CRADD: variants seen among roughly 807,000 people sequenced by gnomAD.
CRADD encodes death domain-containing protein CRADD.
CRADD carries 9 observed loss-of-function variants against 15.5 expected under a neutral mutation model. That is an observed-to-expected ratio of 0.58 (90% CI 0.35 to 1.01). The LOEUF is 1.01. Ranked by LOEUF, CRADD falls within the 50% of genes least tolerant of loss-of-function variation. CRADD has a pLI of 0.02. For synonymous variants in CRADD, 118 were observed against 107.6 expected, an observed-to-expected ratio of 1.10 and a Z score of -0.60; for missense variants, 227 against 250.3, an observed-to-expected ratio of 0.91 and a Z score of 0.63.
At chr12:93,881,319 CAGT>C (rs1367306528) in intron 2 of CRADD, among the ~76,000 whole-genome samples, 1 of 151,722 alleles carries the variant, frequency 6.6e-6, no homozygotes, top group Admixed American at 6.6e-5. Flanking sequence ...TTGGCAGCAG[CAGT>C]ATTTTGTGGC....
At chr12:93,883,058 C>A (rs1344710951) in intron 2 of CRADD, among the ~76,000 whole-genome samples, 3 of 152,140 alleles carry the variant, frequency 2.0e-5, no homozygotes, top group Non-Finnish European at 4.4e-5. Flanking sequence ...AAATATTCAG[C>A]ATAATTAAGC....
chr12:93,849,566 C>T (rs1391237797), intron 2 of CRADD, among the ~76,000 whole-genome samples: 1 of 151,950 alleles, frequency 6.6e-6, no homozygotes, highest in East Asian at 1.9e-4. Context: ...CATGGTGAAA[C>T]CCTGTCTCTG....
intron 2 of CRADD, among the ~76,000 whole-genome samples, chr12:93,877,910 A>C (rs1958468387): frequency 6.6e-6 from 1 of 151,924 alleles, no homozygotes; most frequent in African/African-American, 2.4e-5. Context: ...TGCTTTTCTC[A>C]AGCAGAAGGA....
At chr12:93,887,178 G>C (rs1439968372) in intron 2 of CRADD, among the ~76,000 whole-genome samples, 1 of 152,192 alleles carries the variant, frequency 6.6e-6, no homozygotes, top group African/African-American at 2.4e-5. Context: ...AATTACAATA[G>C]CTTACCCAAT....
intron 2 of CRADD, among the ~76,000 whole-genome samples, chr12:93,751,051 T>C (rs1459632033): frequency 1.3e-5 from 2 of 152,210 alleles, no homozygotes; most frequent in Non-Finnish European, 2.9e-5. Context: ...ATACTCTTTC[T>C]TGTATTGTGG....
intron 2 of CRADD, among the ~76,000 whole-genome samples, chr12:93,691,245 CTTTTG>C (rs201821043): frequency 0.041 from 5,728 of 140,764 alleles, 281 homozygotes; most frequent in African/African-American, 0.12. Flanking sequence ...AAAGAATTTT[CTTTTG>C]TTTTCTTTTT....
At chr12:93,703,884 T>G (rs1342519582) in intron 2 of CRADD, among the ~76,000 whole-genome samples, 1 of 152,126 alleles carries the variant, frequency 6.6e-6, no homozygotes, top group Non-Finnish European at 1.5e-5. Context: ...CTGTTTTTAG[T>G]GTGTGTAGTT....
chr12:93,695,289 A>G (rs1016376564), intron 2 of CRADD, among the ~76,000 whole-genome samples: 6 of 152,224 alleles, frequency 3.9e-5, no homozygotes, highest in African/African-American at 1.4e-4. Context: ...CTCATCTCAC[A>G]CCATGTATAA....
chr12:93,704,024 T>A (rs1413467330), intron 2 of CRADD, among the ~76,000 whole-genome samples: 1 of 145,760 alleles, frequency 6.9e-6, no homozygotes, highest in East Asian at 2.1e-4. Flanking sequence ...TTCCACCATG[T>A]TACCCAGGCT....
At chr12:93,774,973 T>A (rs1297615051) in intron 2 of CRADD, among the ~76,000 whole-genome samples, 2 of 152,120 alleles carry the variant, frequency 1.3e-5, no homozygotes, top group African/African-American at 4.8e-5. Context: ...TGGATCACAG[T>A]TTTTTGGGAA....
rs550491094 is a variant in CRADD at position 93,741,084 on chromosome 12, G to A, written c.298+62012G>A. Among the ~76,000 whole-genome samples the A allele has an allele frequency of 1.6e-4, 25 of 152,100 alleles. No homozygotes were observed. The South Asian group carries it at 3.3e-3, about 20-fold the overall frequency. On this transcript the variant is annotated intron_variant, in intron 2 of 2. Transcript: ENST00000332896. ...TTATGAAATTGCCCTTTATTTTTTC[G>A]TACATCAGGGAGGAATGATAGATTT...
intron 2 of CRADD, among the ~76,000 whole-genome samples, chr12:93,845,976 C>T (rs560834240): frequency 6.6e-6 from 1 of 151,470 alleles, no homozygotes; most frequent in Non-Finnish European, 1.5e-5. Flanking sequence ...AACCAGCATT[C>T]TGCTTTCTGT....
At chr12:93,705,725 C>G (rs760799485) in intron 2 of CRADD, among the ~76,000 whole-genome samples, 13 of 152,108 alleles carry the variant, frequency 8.5e-5, no homozygotes, top group Non-Finnish European at 1.9e-4. Context: ...GATGTTCTCA[C>G]TTAAACGAAA....
intron 2 of CRADD, among the ~76,000 whole-genome samples, chr12:93,791,895 ATTT>A (rs34088777): frequency 8.8e-4 from 121 of 137,134 alleles, no homozygotes; most frequent in Admixed American, 8.7e-4. Context: ...GTCCTAATGG[ATTT>A]TTTTTTTTTT....
chr12:93,770,913 A>T (rs971046906), intron 2 of CRADD, among the ~76,000 whole-genome samples: 1 of 152,230 alleles, frequency 6.6e-6, no homozygotes, highest in Non-Finnish European at 1.5e-5. Context: ...TTTACAATCA[A>T]ATCTCTAAGA....
intron 1 of CRADD, 170 bp downstream of exon 1, chr12:93,677,642 T>C (rs1430850388): frequency 6.6e-6 from 1 of 152,318 alleles, no homozygotes; most frequent in Non-Finnish European, 1.5e-5. Context: ...GTCCGCTCTT[T>C]AGTTCATTCC....
intron 2 of CRADD, among the ~76,000 whole-genome samples, chr12:93,834,371 A>G (rs1957950653): frequency 6.6e-6 from 1 of 151,980 alleles, no homozygotes; most frequent in Non-Finnish European, 1.5e-5. Context: ...CTGTTTTCAC[A>G]TAGTCAAGTA....
chr12:93,840,702 G>A (rs1265454657), intron 2 of CRADD, among the ~76,000 whole-genome samples: 3 of 152,096 alleles, frequency 2.0e-5, no homozygotes, highest in African/African-American at 7.2e-5. Flanking sequence ...GAGTAGCTGG[G>A]ATTACAGGCA....
intron 2 of CRADD, among the ~76,000 whole-genome samples, chr12:93,759,892 A>C (rs191784677): frequency 3.3e-5 from 5 of 152,126 alleles, no homozygotes; most frequent in African/African-American, 4.8e-5. Flanking sequence ...TTGGGAGTCT[A>C]CTCTTTTCAA....
Sources: allele counts gnomAD v4.1 joint callset (sites outside exome capture counted in the v4.1 genomes callset), GRCh38; gene constraint gnomAD v4.1.1; transcripts MANE v1.5; gene names NCBI Gene and HGNC (gene_info 2026-07-23, HGNC 2026-07-21).